Variants in APTX observed in about 807,000 individuals in gnomAD.
APTX encodes aprataxin.
A neutral mutation model predicts 42.3 loss-of-function variants in APTX; 33 were observed. The ratio of observed to expected loss-of-function variants is 0.78; its 90% CI spans 0.59 to 1.04. The LOEUF is 1.04. APTX is among the 50% of genes least tolerant of loss of function. APTX has a pLI of 0.00. For synonymous variants in APTX, 130 were observed against 146.7 expected, an observed-to-expected ratio of 0.89 and a Z score of 0.82; for missense variants, 421 against 415.1, an observed-to-expected ratio of 1.01 and a Z score of -0.12.
intron 6 of APTX, among the ~76,000 whole-genome samples, chr9:32,982,365 T>C (rs942851469): frequency 2.0e-5 from 3 of 152,036 alleles, no homozygotes; most frequent in African/African-American, 7.2e-5. Context: ...AAAAGAACAA[T>C]ACAGGAAAAA....
At chr9:33,002,256 G>A (rs1836694791), upstream of APTX, among the ~76,000 whole-genome samples, 1 of 152,118 alleles carries the variant, frequency 6.6e-6, no homozygotes, top group Non-Finnish European at 1.5e-5. Context: ...CTATCTCGGA[G>A]GTAAAAGTAT....
At chr9:32,976,201 G>A (rs907924541) in intron 6 of APTX, among the ~76,000 whole-genome samples, 3 of 150,550 alleles carry the variant, frequency 2.0e-5, no homozygotes, top group Non-Finnish European at 3.0e-5. Flanking sequence ...ACACAGGGCA[G>A]GGAACATCAC....
intron 3 of APTX, 82 bp from the exon 4 acceptor site, chr9:32,987,928 T>C: frequency 6.4e-7 from 1 of 1,553,550 alleles, no homozygotes; most frequent in Non-Finnish European, 8.8e-7. Flanking sequence ...GTTAACCACT[T>C]ACTATATGCC....
Position 32,973,310 on chromosome 9 carries a change from C to T in APTX, c.*188G>A, listed in dbSNP as rs1828483770. On this transcript the variant is annotated 3_prime_UTR_variant, in exon 8 of 8. Coordinates refer to ENST00000379817, the MANE Select transcript of APTX (RefSeq NM_001195248.2). ...CACCAGAGAATACATCTATGACAAA[C>T]CCAAATTCCTAATCCTGAAGTACTT... The T allele has an allele frequency of 1.4e-6, 1 of 738,608 alleles. No homozygotes were observed. Among genetic ancestry groups the T allele is most frequent in the African/African-American group, 1.7e-5 (1 of 57,758 alleles). The allele number at this position is 738,608 out of a possible 1,614,324, so 45.8% of individuals were successfully genotyped here. A position where few individuals can be genotyped will look rare whatever the true frequency, so the allele number is the denominator to read the frequency against.
rs191436643 is a variant in APTX, at chr9:32,973,008, C to A, written c.*490G>T. On this transcript the variant is annotated 3_prime_UTR_variant, in exon 8 of 8. Transcript: ENST00000379817. ...GGAAGGACTGGACAAACTAAGCCTCCCCATGAAGGAAGGGAAAAGAATATT... is the reference window on the plus strand; with the variant it reads ...GGAAGGACTGGACAAACTAAGCCTCACCATGAAGGAAGGGAAAAGAATATT... 2.3e-4 allele frequency: 104 copies of A among 454,032 alleles called. No homozygotes were observed. The highest frequency in any genetic ancestry group is 1.5e-3 in the African/African-American group (76 of 50,074). 28.1% of individuals were successfully genotyped at this position (454,032 alleles called of 1,614,324 possible).
At position 33,015,913 on chromosome 9, in the gene APTX, T is replaced by C. The variant is rs935676852; in HGVS notation, c.-5+9110A>G. ...ACAATTCATATCCGCATCTGAATTT[T>C]TGTGCAGGGAAGGAAATTCAGATGA... On this transcript the variant is annotated intron_variant, in intron 1 of 6. Coordinates refer to the APTX transcript ENST00000436040. 3.9e-5 allele frequency: 6 copies of C among 152,228 alleles called. No homozygotes were observed. The East Asian group carries it at 1.2e-3, about 29-fold the overall frequency. The allele number at this position is 152,228 out of a possible 1,614,324, so 9.4% of individuals were successfully genotyped here. A position where few individuals can be genotyped will look rare whatever the true frequency, so the allele number is the denominator to read the frequency against.
Position 32,989,896 on chromosome 9 carries a change from C to A in APTX, c.-4-1G>T, listed in dbSNP as rs1368996118. On this transcript the variant is annotated splice_acceptor_variant, in intron 1 of 7. Transcript: ENST00000379817. LOFTEE classifies it low-confidence loss of function (5UTR_SPLICE). The stretch of plus-strand genomic sequence containing the variant: ...CAACCAGCACACCCGCATCATCACT[C>A]TAAGGGACAAAACAAAAGAATCACT... The A allele has an allele frequency of 6.2e-7, 1 of 1,613,654 alleles. No individual in the cohort carries two copies. The highest frequency in any genetic ancestry group is 2.2e-5 in the East Asian group (1 of 44,880).
chr9:32,990,310 T>A (rs1045638952), intron 1 of APTX, among the ~76,000 whole-genome samples: 74 of 152,228 alleles, frequency 4.9e-4, no homozygotes, highest in African/African-American at 1.7e-3. Context: ...GTAGCTGGGA[T>A]TACAGGCACC....
chr9:32,986,514 T>C (rs574438990), intron 4 of APTX, among the ~76,000 whole-genome samples: 14 of 151,544 alleles, frequency 9.2e-5, no homozygotes. Context: ...CTTTCTTTTT[T>C]TTTTTGAGAT....
rs147871984 is a variant in APTX at position 32,985,444 on chromosome 9, C to T, written c.543+527G>A. ...CCACCTCCCGGATTCAAGTGATTCT[C>T]CTGCCTCAGCCTCTCGAGTAGCTGA... is the stretch of plus-strand genomic sequence containing the variant. On this transcript the variant is annotated intron_variant, in intron 5 of 7. Transcript: ENST00000379817. Among the ~76,000 whole-genome samples the T allele has an allele frequency of 4.4e-3, 666 of 151,424 alleles. 8 individuals are homozygous for T. Among genetic ancestry groups the T allele is most frequent in the African/African-American group, 0.015 (637 of 41,224 alleles).
intron 1 of APTX, among the ~76,000 whole-genome samples, chr9:32,993,719 CTTTT>C (rs1269512640): frequency 3.8e-5 from 5 of 132,974 alleles, no homozygotes; most frequent in Non-Finnish European, 3.2e-5. Flanking sequence ...ACCTCTATAT[CTTTT>C]TTTTTTTTTT....
chr9:33,020,777 C>G (rs1838308727), intron 1 of APTX, among the ~76,000 whole-genome samples: 1 of 152,244 alleles, frequency 6.6e-6, no homozygotes, highest in Non-Finnish European at 1.5e-5. Context: ...TATTACTTTG[C>G]TCCTGCCAGG....
chr9:32,972,664 G>A lies in APTX; in HGVS notation c.*834C>T, dbSNP rs770908697. 2.5e-5 allele frequency: 11 copies of A among 432,730 alleles called. No individual in the cohort carries two copies. Among genetic ancestry groups the A allele is most frequent in the Non-Finnish European group, 4.6e-5 (10 of 216,366 alleles). 26.8% of individuals were successfully genotyped at this position (432,730 alleles called of 1,614,324 possible). A position where few individuals can be genotyped will look rare whatever the true frequency, so the allele number is the denominator to read the frequency against. ...GGGAAAAAGAAAGTAGTGGCTCTAC[G>A]CAACTTTTTCATTCACCAACCACCT... On this transcript the variant is annotated 3_prime_UTR_variant, in exon 8 of 8. Transcript: ENST00000379817.
chr9:32,980,890 A>G (rs142498208), intron 6 of APTX, among the ~76,000 whole-genome samples: 51 of 152,344 alleles, frequency 3.3e-4, no homozygotes, highest in Non-Finnish European at 6.6e-4. Flanking sequence ...GCCTTTTTGT[A>G]TAACAGCTTT....
In APTX at chr9:32,973,017, G is replaced by A. The variant is rs1035380211; in HGVS notation, c.*481C>T. On this transcript the variant is annotated 3_prime_UTR_variant, in exon 8 of 8. Transcript: ENST00000379817. ...GGACAAACTAAGCCTCCCCATGAAG[G>A]AAGGGAAAAGAATATTACAAAACAG... 1.1e-5 allele frequency: 5 copies of A among 454,034 alleles called. No homozygotes were observed. Among genetic ancestry groups the A allele is most frequent in the African/African-American group, 8.0e-5 (4 of 50,006 alleles). The allele number at this position is 454,034 out of a possible 1,614,324, so 28.1% of individuals were successfully genotyped here.
chr9:32,977,933 AG>A (rs1208290441), intron 6 of APTX, among the ~76,000 whole-genome samples: 1 of 152,234 alleles, frequency 6.6e-6, no homozygotes, highest in East Asian at 1.9e-4. Flanking sequence ...GTCAAAAACA[AG>A]GACTAACCCA....
At chr9:33,001,158 C>A (rs2119134609) in intron 1 of APTX, among the ~76,000 whole-genome samples, 1 of 149,526 alleles carries the variant, frequency 6.7e-6, no homozygotes, top group East Asian at 1.9e-4. Context: ...AGGACTGCTT[C>A]TTCTGGCATT....
intron 1 of APTX, among the ~76,000 whole-genome samples, chr9:33,023,127 C>T (rs1039267306): frequency 6.6e-6 from 1 of 152,074 alleles, no homozygotes; most frequent in Non-Finnish European, 1.5e-5. Flanking sequence ...CCATGCACCC[C>T]CTACTCTTCC....
chr9:33,024,687 G>C (rs1838708989), intron 1 of APTX: 2 of 152,126 alleles, frequency 1.3e-5, no homozygotes, highest in African/African-American at 4.8e-5. Flanking sequence ...CTAGGGGCCT[G>C]GACTTGCACA....
Sources: gnomAD v4.1 joint callset for allele counts (sites outside exome capture counted in the v4.1 genomes callset) on GRCh38, gnomAD v4.1.1 for gene constraint, MANE v1.5 for transcripts, NCBI Gene and HGNC (gene_info 2026-07-23, HGNC 2026-07-21) for gene names.